Variants in MYO3B observed in about 807,000 individuals in gnomAD.
The protein encoded by MYO3B is myosin-IIIb.
In MYO3B, 156 loss-of-function variants were observed where a neutral mutation model predicts 174.6. The observed-to-expected ratio is 0.89, with a 90% CI of 0.78 to 1.02. MYO3B has a LOEUF of 1.02. MYO3B is among the 50% of genes least tolerant of loss of function. MYO3B has a pLI of 0.00. For missense variants in MYO3B, 1,632 were observed against 1,639.4 expected (o/e 1.00, Z 0.08); for synonymous variants, 563 against 569.1 (o/e 0.99, Z 0.15).
intron 28 of MYO3B, among the ~76,000 whole-genome samples, chr2:170,506,710 A>AT (rs1432229659): frequency 6.6e-6 from 1 of 152,200 alleles, no homozygotes; most frequent in Non-Finnish European, 1.5e-5. Flanking sequence ...AAGAGTACAA[A>AT]TTATTATAAA....
intron 8 of MYO3B, chr2:170,338,088 A>G (rs1262056510): frequency 7.9e-5 from 12 of 152,330 alleles, no homozygotes; most frequent in South Asian, 2.1e-4. Flanking sequence ...TTATATGCCA[A>G]TTCAAATCTG....
At chr2:170,527,213 C>T (rs753861678) in intron 30 of MYO3B, among the ~76,000 whole-genome samples, 1 of 152,058 alleles carries the variant, frequency 6.6e-6, no homozygotes, top group Non-Finnish European at 1.5e-5. Flanking sequence ...GTGAGAGGTC[C>T]AGTGAGAAGA....
At chr2:170,444,134 C>A in intron 23 of MYO3B, 88 bp downstream of exon 23, 1 of 1,182,926 alleles carries the variant, frequency 8.5e-7, no homozygotes, top group South Asian at 1.3e-5. Flanking sequence ...CATTAGTTCC[C>A]TTCTAGCAGC....
At chr2:170,580,865 C>T (rs769117569) in intron 32 of MYO3B, among the ~76,000 whole-genome samples, 3 of 151,954 alleles carry the variant, frequency 2.0e-5, no homozygotes, top group Admixed American at 1.3e-4. Flanking sequence ...ATATTTATCA[C>T]GTTGATACAT....
In MYO3B at chr2:170,551,062, CT is replaced by C. The variant is rs536546547; in HGVS notation, c.3733+7082del. ...TACAGGCCTGAGCCACCACACCTGG[CT>C]TTTTTTTGTATTTTTTTGTAGAGAC... On this transcript the variant is annotated intron_variant, in intron 32 of 34. Coordinates refer to ENST00000408978, the MANE Select transcript of MYO3B (RefSeq NM_138995.5). Among the ~76,000 whole-genome samples, 35 of 151,556 alleles carry C rather than the reference CT, an allele frequency of 2.3e-4. 2 individuals are homozygous for C. Among genetic ancestry groups the C allele is most frequent in the Admixed American group, 2.3e-3 (35 of 15,178 alleles).
intron 34 of MYO3B, 150 bp from the exon 35 acceptor site, chr2:170,652,833 G>A (rs535869839): frequency 1.3e-6 from 1 of 752,998 alleles, no homozygotes; most frequent in South Asian, 1.8e-5. Flanking sequence ...TCTGTACTGG[G>A]AGACCCTGAG....
At chr2:170,564,411 G>A (rs1316299796) in intron 32 of MYO3B, among the ~76,000 whole-genome samples, 1 of 152,126 alleles carries the variant, frequency 6.6e-6, no homozygotes, top group Non-Finnish European at 1.5e-5. Context: ...AGATGGAGGT[G>A]GCAGTGGGCT....
At chr2:170,286,446 T>C (rs2093556913) in intron 7 of MYO3B, among the ~76,000 whole-genome samples, 1 of 152,196 alleles carries the variant, frequency 6.6e-6, no homozygotes, top group African/African-American at 2.4e-5. Flanking sequence ...ATGTAGGAAG[T>C]TTCCCATTTA....
At chr2:170,641,662 T>C (rs913101820) in intron 32 of MYO3B, among the ~76,000 whole-genome samples, 2 of 152,104 alleles carry the variant, frequency 1.3e-5, no homozygotes, top group African/African-American at 4.8e-5. Flanking sequence ...AAGACAGATA[T>C]CTCTGGAAAC....
intron 8 of MYO3B, among the ~76,000 whole-genome samples, chr2:170,365,675 C>T (rs890920021): frequency 6.6e-6 from 1 of 152,120 alleles, no homozygotes; most frequent in Admixed American, 6.6e-5. Context: ...CCTTCAAGTT[C>T]TTCATGCCCT....
chr2:170,247,579 G>T (rs1323330283), intron 7 of MYO3B, among the ~76,000 whole-genome samples: 3 of 152,174 alleles, frequency 2.0e-5, no homozygotes, highest in Non-Finnish European at 4.4e-5. Flanking sequence ...ACCTGACTTA[G>T]ACTGGGTAGC....
At chr2:170,406,099 GCTTTTACAACTTAA>G (rs1040375422) in intron 21 of MYO3B, among the ~76,000 whole-genome samples, 3 of 152,068 alleles carry the variant, frequency 2.0e-5, no homozygotes, top group Non-Finnish European at 2.9e-5. Flanking sequence ...CAGATGTTAA[GCTTTTACAACTTAA>G]CTGAAATGTC....
chr2:170,590,026 G>A (rs1693726144), intron 32 of MYO3B, among the ~76,000 whole-genome samples: 1 of 152,208 alleles, frequency 6.6e-6, no homozygotes, highest in Admixed American at 6.5e-5. Context: ...AGCAAAGGCT[G>A]TACTGTATTA....
At chr2:170,254,490 C>T (rs1490125359) in intron 7 of MYO3B, among the ~76,000 whole-genome samples, 1 of 152,180 alleles carries the variant, frequency 6.6e-6, no homozygotes, top group Non-Finnish European at 1.5e-5. Flanking sequence ...CCAAGGCCTC[C>T]TGCCTGGCTG....
intron 7 of MYO3B, among the ~76,000 whole-genome samples, chr2:170,238,126 G>C (rs745627340): frequency 1.3e-5 from 2 of 152,152 alleles, no homozygotes; most frequent in Non-Finnish European, 2.9e-5. Flanking sequence ...AAATTACTCT[G>C]TCAATTAGAA....
intron 7 of MYO3B, among the ~76,000 whole-genome samples, chr2:170,278,831 G>T (rs1559354809): frequency 6.6e-6 from 1 of 151,884 alleles, no homozygotes; most frequent in Admixed American, 6.6e-5. Context: ...CTACCTTCAT[G>T]AATTCAATTT....
intron 8 of MYO3B, among the ~76,000 whole-genome samples, chr2:170,366,325 AG>A (rs747184202): frequency 1.3e-5 from 2 of 152,072 alleles, no homozygotes; most frequent in Non-Finnish European, 2.9e-5. Context: ...TTTTTGAGAC[AG>A]GGTCTCACTC....
chr2:170,534,799 A>G (rs1451234248), intron 30 of MYO3B, among the ~76,000 whole-genome samples: 1 of 152,216 alleles, frequency 6.6e-6, no homozygotes, highest in Non-Finnish European at 1.5e-5. Flanking sequence ...CTAATATATC[A>G]TGAATATGTA....
At chr2:170,583,642 G>A (rs1322594922) in intron 32 of MYO3B, among the ~76,000 whole-genome samples, 1 of 152,120 alleles carries the variant, frequency 6.6e-6, no homozygotes, top group East Asian at 1.9e-4. Context: ...ACTTTATTCT[G>A]TGCATGGAAC....
Sources: gnomAD v4.1 joint callset for allele counts (sites outside exome capture counted in the v4.1 genomes callset) on GRCh38, gnomAD v4.1.1 for gene constraint, MANE v1.5 for transcripts, NCBI Gene and HGNC (gene_info 2026-07-23, HGNC 2026-07-21) for gene names.